The following PARG variants were observed in gnomAD, a reference collection of about 807,000 sequenced individuals.
PARG encodes poly(ADP-ribose) glycohydrolase.
A neutral mutation model predicts 113.0 loss-of-function variants in PARG; 35 were observed. That is an observed-to-expected ratio of 0.31 (90% confidence interval 0.24 to 0.41). PARG has a LOEUF of 0.41. Ranked by LOEUF, PARG falls within the 10% of genes least tolerant of loss-of-function variation. The pLI, the probability that PARG is intolerant of heterozygous loss-of-function variation, is 1.00. For synonymous variants in PARG, 330 were observed against 409.9 expected (o/e 0.81, Z 2.36); for missense variants, 797 against 1,169.4 (o/e 0.68, Z 4.64).
chr10:49,843,174 T>G (rs1321267361), intron 14 of PARG, among the ~76,000 whole-genome samples: 1 of 152,242 alleles, frequency 6.6e-6, no homozygotes, highest in Non-Finnish European at 1.5e-5. Flanking sequence ...CCACCTAATT[T>G]CACAGAAAAA....
intron 7 of PARG, among the ~76,000 whole-genome samples, chr10:49,912,598 G>A (rs1463033946): frequency 6.6e-6 from 1 of 152,100 alleles, no homozygotes; most frequent in Non-Finnish European, 1.5e-5. Context: ...AGGAGGTGGA[G>A]GTTGCAGTGA....
chr10:49,910,607 C>CT (rs1837122432), intron 7 of PARG, among the ~76,000 whole-genome samples: 1 of 151,946 alleles, frequency 6.6e-6, no homozygotes, highest in Non-Finnish European at 1.5e-5. Context: ...TTATACATTT[C>CT]TATCTTTTCA....
intron 16 of PARG, among the ~76,000 whole-genome samples, chr10:49,823,129 T>C (rs1451866473): frequency 2.0e-5 from 3 of 152,172 alleles, no homozygotes; most frequent in Admixed American, 1.3e-4. Context: ...TTATATAAGA[T>C]AATATTTTAT....
chr10:49,928,193 C>G (rs2132944749), intron 4 of PARG, among the ~76,000 whole-genome samples: 1 of 151,990 alleles, frequency 6.6e-6, no homozygotes, highest in Non-Finnish European at 1.5e-5. Context: ...ATCGCTTGAA[C>G]CCGGGAGGCA....
chr10:49,824,967 A>C (rs983943793), intron 16 of PARG, among the ~76,000 whole-genome samples: 4 of 152,060 alleles, frequency 2.6e-5, no homozygotes, highest in African/African-American at 7.2e-5. Flanking sequence ...AGCCAGAGCA[A>C]TGTCTTTACA....
intron 7 of PARG, among the ~76,000 whole-genome samples, chr10:49,912,541 T>C (rs184682191): frequency 3.2e-4 from 48 of 152,144 alleles, no homozygotes; most frequent in Non-Finnish European, 6.0e-4. Context: ...CGCACGTCTG[T>C]AGTCCTAGCT....
chr10:49,835,992 T>A, intron 15 of PARG, among the ~76,000 whole-genome samples: 1 of 152,126 alleles, frequency 6.6e-6, no homozygotes, highest in East Asian at 1.9e-4. Context: ...TGGTTTGTAG[T>A]CTAGGAGCAA....
At chr10:49,823,208 GA>G (rs1388016740) in intron 16 of PARG, among the ~76,000 whole-genome samples, 3 of 152,000 alleles carry the variant, frequency 2.0e-5, no homozygotes, top group East Asian at 3.9e-4. Context: ...AAATAATTCA[GA>G]AAAAAATTAT....
chr10:49,910,046 G>A (rs1554845842), intron 7 of PARG: 1 of 151,492 alleles, frequency 6.6e-6, no homozygotes, highest in Non-Finnish European at 1.5e-5. Context: ...GAAAAAGACA[G>A]ATATAATAAC....
At chr10:49,928,315 G>C (rs1838320056) in intron 4 of PARG, among the ~76,000 whole-genome samples, 2 of 152,028 alleles carry the variant, frequency 1.3e-5, no homozygotes, top group African/African-American at 4.8e-5. Flanking sequence ...CAGTTATGCT[G>C]AAAGTATTTT....
intron 14 of PARG, among the ~76,000 whole-genome samples, chr10:49,843,112 TGCCA>T (rs1845326759): frequency 6.6e-6 from 1 of 152,262 alleles, no homozygotes; most frequent in Non-Finnish European, 1.5e-5. Flanking sequence ...CCGCAGGTTC[TGCCA>T]TCAACTGGTT....
intron 16 of PARG, among the ~76,000 whole-genome samples, chr10:49,825,942 G>C (rs1844336018): frequency 6.6e-6 from 1 of 152,146 alleles, no homozygotes; most frequent in African/African-American, 2.4e-5. Flanking sequence ...GACCAGATTG[G>C]TTTTGGATTT....
At chr10:49,821,326 A>G (rs1343118868) in intron 16 of PARG, among the ~76,000 whole-genome samples, 1 of 152,204 alleles carries the variant, frequency 6.6e-6, no homozygotes, top group Non-Finnish European at 1.5e-5. Flanking sequence ...TTCGCTAGTT[A>G]TAAATCTCTT....
At chr10:49,917,045 G>A (rs1554847825) in intron 6 of PARG, among the ~76,000 whole-genome samples, 1 of 151,918 alleles carries the variant, frequency 6.6e-6, no homozygotes, top group African/African-American at 2.4e-5. Context: ...TATTCACTTG[G>A]AATCAGGGGA....
Position 49,821,627 on chromosome 10 carries a change from G to A in PARG, c.2648-1334C>T, listed in dbSNP as rs151158540. The stretch of plus-strand genomic sequence containing the variant: ...ACTCCTGACCTCAAGTGATCTGCCC[G>A]TCTCGGCCTCCCAAAGTGTGGGGAT... On this transcript the variant is annotated intron_variant, in intron 16 of 17. Transcript: ENST00000616448. Among the ~76,000 whole-genome samples the A allele has an allele frequency of 1.7e-4, 26 of 152,234 alleles. No homozygotes were observed. The East Asian group carries it at 2.5e-3, about 15-fold the overall frequency.
At chr10:49,894,211 T>C (rs1262401992) in intron 7 of PARG, among the ~76,000 whole-genome samples, 1 of 149,648 alleles carries the variant, frequency 6.7e-6, no homozygotes, top group African/African-American at 2.5e-5. Flanking sequence ...TTAATTTTTT[T>C]TTTTTTTTTT....
intron 13 of PARG, among the ~76,000 whole-genome samples, chr10:49,852,125 G>T (rs1554834296): frequency 2.6e-5 from 4 of 152,238 alleles, no homozygotes; most frequent in Admixed American, 2.6e-4. Context: ...AGATTGTAGT[G>T]CATGGCTAAG....
intron 6 of PARG, among the ~76,000 whole-genome samples, chr10:49,921,960 G>A (rs1837897484): frequency 6.6e-6 from 1 of 152,102 alleles, no homozygotes; most frequent in South Asian, 2.1e-4. Context: ...GGGAAACTCA[G>A]CTTCCCTTTG....
intron 7 of PARG, among the ~76,000 whole-genome samples, chr10:49,903,502 C>T (rs1554844136): frequency 6.6e-6 from 1 of 151,712 alleles, no homozygotes; most frequent in African/African-American, 2.4e-5. Context: ...TGTGCATTAG[C>T]CATGGGCTAG....
Sources: allele counts gnomAD v4.1 joint callset (sites outside exome capture counted in the v4.1 genomes callset), GRCh38; gene constraint gnomAD v4.1.1; transcripts MANE v1.5; gene names NCBI Gene and HGNC (gene_info 2026-07-23, HGNC 2026-07-21).